The following SGIP1 variants were observed in gnomAD, a reference collection of about 807,000 sequenced individuals.
SGIP1 encodes SH3-containing GRB2-like protein 3-interacting protein 1.
SGIP1 carries 38 observed loss-of-function variants against 107.5 expected under a neutral mutation model. That is an observed-to-expected ratio of 0.35 (90% CI 0.27 to 0.46). SGIP1 has a LOEUF of 0.46. Ranked by LOEUF, SGIP1 falls within the 20% of genes least tolerant of loss-of-function variation. The probability of loss-of-function intolerance (pLI) is 1.00; values close to 1 mark genes in which losing one functional copy is unlikely to be tolerated. For missense variants in SGIP1, 929 were observed against 1,019.5 expected, an observed-to-expected ratio of 0.91 and a Z score of 1.21; for synonymous variants, 365 against 366.1, an observed-to-expected ratio of 1.00 and a Z score of 0.03.
rs915961760 is a variant in SGIP1 at position 66,578,036 on chromosome 1, T to A, written c.10+43668T>A. ...AATGTTATTTAGAAGTTGGTGTGAC[T>A]TTTTAAAAAATTTACCTCTTGCAGA... On this transcript the variant is annotated intron_variant, in intron 1 of 24. Coordinates refer to ENST00000371037, the MANE Select transcript of SGIP1 (RefSeq NM_032291.4). Among the ~76,000 whole-genome samples the A allele has an allele frequency of 2.0e-5, 3 of 152,340 alleles. No homozygotes were observed. The East Asian group carries it at 5.8e-4, about 29-fold the overall frequency.
chr1:66,545,592 C>A (rs2056187401), intron 1 of SGIP1, among the ~76,000 whole-genome samples: 2 of 150,460 alleles, frequency 1.3e-5, no homozygotes, highest in Admixed American at 6.6e-5. Context: ...GCACTTGTAG[C>A]ACTTGGAGTT....
intron 1 of SGIP1, among the ~76,000 whole-genome samples, chr1:66,536,251 T>G (rs2312152): frequency 0.73 from 111,218 of 151,530 alleles, 41,712 homozygotes; most frequent in East Asian, 1. Flanking sequence ...TGAATTAGTA[T>G]GAATTATACT....
chr1:66,651,133 A>G (rs746491065), intron 7 of SGIP1, among the ~76,000 whole-genome samples: 1 of 152,204 alleles, frequency 6.6e-6, no homozygotes, highest in Non-Finnish European at 1.5e-5. Context: ...TGCTTAGTAA[A>G]TGATAGCTAT....
intron 1 of SGIP1, among the ~76,000 whole-genome samples, chr1:66,589,163 CATATATATATATAT>C (rs55788345): frequency 0.022 from 1,537 of 69,636 alleles, 17 homozygotes; most frequent in Non-Finnish European, 0.029. Context: ...TAAAAGTTTA[CATATATATATATAT>C]ATATATATAT....
rs964838975 is a variant in SGIP1 at position 66,683,127 on chromosome 1, G to A, written c.1315+758G>A. Among the ~76,000 whole-genome samples, 4 of 152,232 alleles carry A rather than the reference G, an allele frequency of 2.6e-5. No individual in the cohort carries two copies. In the East Asian group the frequency reaches 7.7e-4, roughly 29 times the overall value. ...TTGCTTATTTGAAGCTTCATTTTGT[G>A]TGTTTTAATTATGAAAGTATAGTAA... On this transcript the variant is annotated intron_variant, in intron 15 of 24. Transcript: ENST00000371037.
chr1:66,594,804 AATG>A (rs2064298239), intron 1 of SGIP1, among the ~76,000 whole-genome samples: 1 of 152,164 alleles, frequency 6.6e-6, no homozygotes, highest in Non-Finnish European at 1.5e-5. Context: ...ACATGGGGAT[AATG>A]ATAGGACCCA....
intron 3 of SGIP1, among the ~76,000 whole-genome samples, chr1:66,634,478 C>T (rs949267907): frequency 1.3e-5 from 2 of 152,178 alleles, no homozygotes. Context: ...TGACACGTGG[C>T]AGGCAATGAT....
At position 66,695,255 on chromosome 1, in the gene SGIP1, T is replaced by TAAAAAAAAAAAAAA. The variant is rs570067011; in HGVS notation, c.1571-176_1571-163dup. The TAAAAAAAAAAAAAA allele has an allele frequency of 1.0e-3, 945 of 949,206 alleles. 22 individuals are homozygous for TAAAAAAAAAAAAAA. Among genetic ancestry groups the TAAAAAAAAAAAAAA allele is most frequent in the South Asian group, 5.1e-3 (143 of 28,078 alleles). 58.8% of individuals were successfully genotyped at this position (949,206 alleles called of 1,614,324 possible). A position where few individuals can be genotyped will look rare whatever the true frequency, so the allele number is the denominator to read the frequency against. On this transcript the variant is annotated intron_variant, in intron 17 of 24. Transcript: ENST00000371037. ...TGCTTTTGCTTTCTGTTTCCTGAAC[T>TAAAAAAAAAAAAAA]AAAAAAAAAAAAAAAAGTGTAGATT... is the stretch of plus-strand genomic sequence containing the variant.
chr1:66,720,442 T>G (rs2093470536), intron 19 of SGIP1, among the ~76,000 whole-genome samples: 1 of 152,186 alleles, frequency 6.6e-6, no homozygotes, highest in Non-Finnish European at 1.5e-5. Context: ...CAATAAGAAC[T>G]GGAGACTAGG....
At chr1:66,705,796 C>T (rs1440952320) in intron 18 of SGIP1, among the ~76,000 whole-genome samples, 2 of 152,128 alleles carry the variant, frequency 1.3e-5, no homozygotes, top group African/African-American at 2.4e-5. Flanking sequence ...TATGGGTTCT[C>T]ACTCATAAGT....
chr1:66,700,593 A>G (rs1334158509), intron 18 of SGIP1, among the ~76,000 whole-genome samples: 2 of 151,974 alleles, frequency 1.3e-5, no homozygotes, highest in African/African-American at 4.8e-5. Flanking sequence ...ATAGGATACC[A>G]AATAATATTT....
intron 18 of SGIP1, among the ~76,000 whole-genome samples, chr1:66,717,027 G>C (rs766687475): frequency 6.6e-6 from 1 of 152,090 alleles, no homozygotes; most frequent in East Asian, 1.9e-4. Flanking sequence ...TTCATCCTCA[G>C]ACCTCAGCTC....
At chr1:66,638,966 C>T (rs766697607) in intron 4 of SGIP1, among the ~76,000 whole-genome samples, 89 of 152,262 alleles carry the variant, frequency 5.8e-4, no homozygotes, top group Admixed American at 4.0e-3. Flanking sequence ...TTGTGTTTGT[C>T]GTTTGCTCAC....
chr1:66,586,515 T>A (rs2062639365), intron 1 of SGIP1, among the ~76,000 whole-genome samples: 1 of 152,168 alleles, frequency 6.6e-6, no homozygotes, highest in Admixed American at 6.5e-5. Context: ...AGATATTACA[T>A]CATATTTACA....
In SGIP1 at chr1:66,682,374, G is replaced by C. The variant is rs781432454; in HGVS notation, c.1315+5G>C. ...CTGGTCCGGGGACCACCAGTGGTAT[G>C]TCTTATGCTTGAGTGTGCTTCTTGT... is the stretch of plus-strand genomic sequence containing the variant. On this transcript the variant is annotated splice_donor_5th_base_variant and intron_variant, in intron 15 of 24. Coordinates refer to ENST00000371037, the MANE Select transcript of SGIP1 (RefSeq NM_032291.4). 7 of 1,600,872 alleles carry C rather than the reference G, an allele frequency of 4.4e-6. No homozygotes were observed. The highest frequency in any genetic ancestry group is 6.0e-6 in the Non-Finnish European group (7 of 1,176,282).
chr1:66,742,332 C>T (rs993592032), intron 24 of SGIP1, among the ~76,000 whole-genome samples: 3 of 151,772 alleles, frequency 2.0e-5, no homozygotes, highest in Admixed American at 1.3e-4. Context: ...AGTGATTATA[C>T]TTTTCAGTGA....
chr1:66,642,098 A>G (rs1337391023), intron 5 of SGIP1, among the ~76,000 whole-genome samples: 1 of 152,182 alleles, frequency 6.6e-6, no homozygotes, highest in African/African-American at 2.4e-5. Flanking sequence ...TGCTTTCAGT[A>G]TGCACCACCC....
intron 15 of SGIP1, chr1:66,684,077 G>A: frequency 1.3e-6 from 2 of 1,549,952 alleles, no homozygotes; most frequent in Non-Finnish European, 8.7e-7. Context: ...CCACCCTGTG[G>A]TAGATACTGT....
At chr1:66,597,795 C>G (rs756295235) in intron 1 of SGIP1, among the ~76,000 whole-genome samples, 1 of 152,130 alleles carries the variant, frequency 6.6e-6, no homozygotes, top group Non-Finnish European at 1.5e-5. Flanking sequence ...AAGGATTTTA[C>G]GCATTAACGT....
Sources: gnomAD v4.1 joint callset for allele counts (sites outside exome capture counted in the v4.1 genomes callset) on GRCh38, gnomAD v4.1.1 for gene constraint, MANE v1.5 for transcripts, NCBI Gene and HGNC (gene_info 2026-07-23, HGNC 2026-07-21) for gene names.